Variants in CAAP1 observed in about 807,000 individuals in gnomAD.
CAAP1 encodes the protein caspase activity and apoptosis inhibitor 1.
Under a neutral mutation model 34.0 loss-of-function variants are expected in CAAP1, and 20 were observed. That is an observed-to-expected ratio of 0.59 (90% CI 0.41 to 0.86). The LOEUF (loss-of-function observed/expected upper bound fraction) is 0.86, where lower values mean the gene tolerates loss of function less well. Ranked by LOEUF, CAAP1 falls within the 40% of genes least tolerant of loss-of-function variation. CAAP1 has a pLI of 0.00. For synonymous variants in CAAP1, 213 were observed against 166.7 expected, an observed-to-expected ratio of 1.28 and a Z score of -2.14; for missense variants, 538 against 450.5, an observed-to-expected ratio of 1.19 and a Z score of -1.76.
At chr9:26,869,778 T>C (rs1823229688) in intron 4 of CAAP1, 1 of 192,272 alleles carries the variant, frequency 5.2e-6, no homozygotes, top group Non-Finnish European at 9.5e-6. Context: ...GAGAAGTTAT[T>C]AACAACCAAT....
chr9:26,858,930 G>A (rs1166687910), intron 5 of CAAP1, among the ~76,000 whole-genome samples: 3 of 150,814 alleles, frequency 2.0e-5, no homozygotes, highest in Admixed American at 6.6e-5. Context: ...CCTGGGAGGC[G>A]GAGCTGGCAG....
At position 26,856,990 on chromosome 9, in the gene CAAP1, G is replaced by A. The variant is rs149772717; in HGVS notation, c.739+4076C>T. Among the ~76,000 whole-genome samples the A allele has an allele frequency of 2.8e-3, 420 of 152,258 alleles. 2 individuals carry two copies. The highest frequency in any genetic ancestry group is 5.8e-3 in the African/African-American group (241 of 41,568). The stretch of plus-strand genomic sequence containing the variant: ...ACTTTAAAGCAACAATTTAAATACA[G>A]ACCAATATTTTACTATTGCTGAATG... On this transcript the variant is annotated intron_variant, in intron 5 of 5. Coordinates refer to ENST00000333916, the MANE Select transcript of CAAP1 (RefSeq NM_024828.4).
Position 26,892,752 on chromosome 9 carries a change from G to T in CAAP1, c.-37C>A. The T allele has an allele frequency of 6.5e-7, 1 of 1,537,700 alleles. No homozygotes were observed. On this transcript the variant is annotated 5_prime_UTR_variant, in exon 1 of 6. Transcript: ENST00000333916. ...TGCAACCATCGGAGGAAAGTCCGCT[G>T]TCTCTGGTGCGACCGAAGCCCGACT...
intron 5 of CAAP1, among the ~76,000 whole-genome samples, chr9:26,852,923 A>G (rs1030641500): frequency 1.3e-5 from 2 of 152,170 alleles, no homozygotes; most frequent in African/African-American, 4.8e-5. Flanking sequence ...AAGGAACAGC[A>G]AAAGCAAAGC....
chr9:26,880,989 A>G (rs1163099813), intron 4 of CAAP1, among the ~76,000 whole-genome samples: 2 of 152,176 alleles, frequency 1.3e-5, no homozygotes, highest in East Asian at 3.9e-4. Flanking sequence ...TCTTTCTTTC[A>G]TCTTTAAACC....
chr9:26,847,324 C>G (rs1053933045), intron 5 of CAAP1, among the ~76,000 whole-genome samples: 2 of 146,660 alleles, frequency 1.4e-5, no homozygotes, highest in African/African-American at 5.0e-5. Context: ...ACGCCATTCT[C>G]CCGCCTCAGC....
chr9:26,841,100 C>T lies in CAAP1; in HGVS notation c.*1201G>A, dbSNP rs1822468544. On this transcript the variant is annotated 3_prime_UTR_variant, in exon 6 of 6. Transcript: ENST00000333916. The stretch of plus-strand genomic sequence containing the variant: ...TCCTCTATTTCCATTTAAAAACTCT[C>T]TAAAATTAACATAATTAAAGCAGCT... 1 of 152,088 alleles carries T rather than the reference C, an allele frequency of 6.6e-6. No individual in the cohort carries two copies. The highest frequency in any genetic ancestry group is 2.1e-4 in the South Asian group (1 of 4,830). 9.4% of individuals were successfully genotyped at this position (152,088 alleles called of 1,614,324 possible). A position where few individuals can be genotyped will look rare whatever the true frequency, so the allele number is the denominator to read the frequency against.
chr9:26,870,526 A>G (rs965810022), intron 4 of CAAP1, among the ~76,000 whole-genome samples: 4 of 146,826 alleles, frequency 2.7e-5, no homozygotes, highest in African/African-American at 1.0e-4. Context: ...CCTAGATCTC[A>G]GGGGTGTGTA....
chr9:26,887,809 T>C (rs1448199322), intron 1 of CAAP1, among the ~76,000 whole-genome samples: 1 of 152,168 alleles, frequency 6.6e-6, no homozygotes, highest in Non-Finnish European at 1.5e-5. Flanking sequence ...TTTGAAGAAT[T>C]AGGATTTTCC....
chr9:26,847,887 C>T (rs1188389340), intron 5 of CAAP1, among the ~76,000 whole-genome samples: 1 of 151,936 alleles, frequency 6.6e-6, no homozygotes, highest in Admixed American at 6.6e-5. Flanking sequence ...TTAAGTATCC[C>T]TCTTCTGTCA....
chr9:26,865,983 A>C (rs936930563), intron 4 of CAAP1, among the ~76,000 whole-genome samples: 7 of 152,100 alleles, frequency 4.6e-5, no homozygotes, highest in African/African-American at 1.7e-4. Context: ...AGTAGCTGGG[A>C]TTACAGACAC....
chr9:26,855,265 T>C (rs1254533267), intron 5 of CAAP1, among the ~76,000 whole-genome samples: 1 of 152,186 alleles, frequency 6.6e-6, no homozygotes, highest in Non-Finnish European at 1.5e-5. Context: ...ACTACAGAGA[T>C]TCCAGGACAA....
rs1047757390 is a variant in CAAP1, at chr9:26,841,665, A to C, written c.*636T>G. ...TAGAATAATGCATCCAATGGTATCAAATACCTGTTAGAATGGCGTGTCTGC... is the reference window on the plus strand; with the variant it reads ...TAGAATAATGCATCCAATGGTATCACATACCTGTTAGAATGGCGTGTCTGC... On this transcript the variant is annotated 3_prime_UTR_variant, in exon 6 of 6. Transcript: ENST00000333916. 3.3e-5 allele frequency: 5 copies of C among 152,618 alleles called. No homozygotes were observed. The highest frequency in any genetic ancestry group is 5.9e-5 in the Non-Finnish European group (4 of 68,016). 9.5% of individuals were successfully genotyped at this position (152,618 alleles called of 1,614,324 possible).
At chr9:26,846,274 G>A (rs1383574279) in intron 5 of CAAP1, among the ~76,000 whole-genome samples, 4 of 151,870 alleles carry the variant, frequency 2.6e-5, no homozygotes, top group South Asian at 2.1e-4. Context: ...AAAATTAGCC[G>A]AGCGTGGTGG....
intron 5 of CAAP1, among the ~76,000 whole-genome samples, chr9:26,852,192 T>C (rs1419525633): frequency 6.6e-6 from 1 of 151,210 alleles, no homozygotes; most frequent in Non-Finnish European, 1.5e-5. Context: ...CCAGGGCTCA[T>C]GCCTGTAATC....
chr9:26,885,355 G>T (rs1016923634), intron 3 of CAAP1, among the ~76,000 whole-genome samples: 1 of 152,100 alleles, frequency 6.6e-6, no homozygotes, highest in Non-Finnish European at 1.5e-5. Context: ...GATTACAGGC[G>T]TGAGCCATCG....
chr9:26,858,111 G>A (rs1822915070), intron 5 of CAAP1, among the ~76,000 whole-genome samples: 1 of 152,202 alleles, frequency 6.6e-6, no homozygotes, highest in Admixed American at 6.5e-5. Flanking sequence ...ATAAGCTTCA[G>A]TGAATTGTCT....
intron 5 of CAAP1, among the ~76,000 whole-genome samples, chr9:26,846,415 C>CAAAAAAAAAAAAAAA (rs761402354): frequency 2.1e-4 from 13 of 61,696 alleles, no homozygotes; most frequent in Admixed American, 4.2e-4. Flanking sequence ...GACTCTGTCT[C>CAAAAAAAAAAAAAAA]AAAAAAAAAA....
At chr9:26,887,285 G>GTATC (rs1823770526) in intron 2 of CAAP1, 28 bp downstream of exon 2, 1 of 1,386,750 alleles carries the variant, frequency 7.2e-7, no homozygotes, top group Non-Finnish European at 9.8e-7. Flanking sequence ...TTCTACATAT[G>GTATC]TATCTAGTCT....
Sources: allele counts gnomAD v4.1 joint callset (sites outside exome capture counted in the v4.1 genomes callset), GRCh38; gene constraint gnomAD v4.1.1; transcripts MANE v1.5; gene names NCBI Gene and HGNC (gene_info 2026-07-23, HGNC 2026-07-21).